Variants in ZC3H12B observed in about 807,000 individuals in gnomAD.
The protein encoded by ZC3H12B is zinc finger CCCH-type containing 12B.
In ZC3H12B, 7 loss-of-function variants were observed where a neutral mutation model predicts 43.9. That is an observed-to-expected ratio of 0.16 (90% CI 0.09 to 0.30). ZC3H12B has a LOEUF of 0.30. Among genes scored for constraint, ZC3H12B ranks in the 10% least tolerant of loss-of-function variants. The probability of loss-of-function intolerance (pLI) is 1.00; values close to 1 mark genes in which losing one functional copy is unlikely to be tolerated. For missense variants in ZC3H12B, 475 were observed against 670.2 expected (o/e 0.71, Z 3.22); for synonymous variants, 222 against 241.7 (o/e 0.92, Z 0.76).
At chrX:65,074,942 G>T in the ZC3H12B span, among the ~76,000 whole-genome samples, 1 of 111,938 alleles carries the variant, frequency 8.9e-6, no homozygotes, top group Admixed American at 9.5e-5. Flanking sequence ...CTCCTTTAGG[G>T]TCAGTTCCTG....
chrX:65,163,873 G>T, the ZC3H12B span, among the ~76,000 whole-genome samples: 1 of 111,952 alleles, frequency 8.9e-6, no homozygotes, highest in East Asian at 2.8e-4. Context: ...CACTCACGCT[G>T]GGAGATGTAG....
the ZC3H12B span, among the ~76,000 whole-genome samples, chrX:65,193,109 G>GTTT: frequency 6.2e-5 from 6 of 97,243 alleles, no homozygotes; most frequent in African/African-American, 2.3e-4. Flanking sequence ...TGGCCTGAAG[G>GTTT]TTTTTTTTTT....
At chrX:65,276,569 C>T in the ZC3H12B span, among the ~76,000 whole-genome samples, 1 of 111,024 alleles carries the variant, frequency 9.0e-6, no homozygotes. Flanking sequence ...GAAAAAAAAA[C>T]TATAAGCCAA....
the ZC3H12B span, among the ~76,000 whole-genome samples, chrX:65,141,567 G>T: frequency 9.2e-6 from 1 of 108,289 alleles, no homozygotes; most frequent in Non-Finnish European, 1.9e-5. Context: ...GTGGTGTTTG[G>T]TTTCATGAGT....
the ZC3H12B span, among the ~76,000 whole-genome samples, chrX:65,201,746 G>A: frequency 7.6e-5 from 8 of 105,318 alleles, no homozygotes; most frequent in South Asian, 2.6e-3. Context: ...CTCTGTCCCC[G>A]CCACAAATCT....
exon 5 of ZC3H12B, chrX:65,502,367 A>G: frequency 8.3e-7 from 1 of 1,211,643 alleles, no homozygotes; most frequent in South Asian, 1.8e-5. Context: ...CAAACTGAAC[A>G]TCAACAGCAT....
chrX:65,440,870 C>T (rs751743882), intron 3 of ZC3H12B, among the ~76,000 whole-genome samples: 123 of 111,966 alleles, frequency 1.1e-3, no homozygotes, highest in Non-Finnish European at 9.0e-4. Context: ...TGTTCAGCAG[C>T]TAATTTCTCT....
the ZC3H12B span, among the ~76,000 whole-genome samples, chrX:65,140,959 G>C: frequency 9.0e-6 from 1 of 111,381 alleles, no homozygotes; most frequent in African/African-American, 3.2e-5. Flanking sequence ...TTGTTTATTT[G>C]TTAGTTTAAC....
chrX:65,387,760 TTTTTGCAGTGGCTGG>T (rs1302517266), intron 2 of ZC3H12B, among the ~76,000 whole-genome samples: 5 of 112,776 alleles, frequency 4.4e-5, no homozygotes, highest in Non-Finnish European at 9.4e-5. Context: ...ATTTGGCATG[TTTTTGCAGTGGCTGG>T]TACTGGTTGT....
chrX:65,507,313 C>CTAGTT (rs2068435500), exon 5 of ZC3H12B: 1 of 112,411 alleles, frequency 8.9e-6, no homozygotes, highest in Non-Finnish European at 1.9e-5. Context: ...CTGCCTTCCC[C>CTAGTT]TAGTTTGCTT....
chrX:65,214,700 T>C, the ZC3H12B span, among the ~76,000 whole-genome samples: 1 of 111,613 alleles, frequency 9.0e-6, no homozygotes, highest in Non-Finnish European at 1.9e-5. Context: ...TCTGTTAATG[T>C]TGTCATTTTT....
intron 3 of ZC3H12B, among the ~76,000 whole-genome samples, chrX:65,445,839 A>G (rs1160702147): frequency 2.7e-5 from 3 of 111,861 alleles, no homozygotes; most frequent in Non-Finnish European, 5.6e-5. Context: ...GCTTTATTTT[A>G]TTGTTGCTAA....
At chrX:65,183,860 G>A in the ZC3H12B span, among the ~76,000 whole-genome samples, 1 of 111,397 alleles carries the variant, frequency 9.0e-6, no homozygotes, top group Non-Finnish European at 1.9e-5. Context: ...TTGGAAATTA[G>A]GAAATAATTT....
chrX:65,122,753 G>A, the ZC3H12B span, among the ~76,000 whole-genome samples: 1 of 111,330 alleles, frequency 9.0e-6, no homozygotes, highest in Admixed American at 9.5e-5. Flanking sequence ...TGATAAAACA[G>A]ACTTTATACC....
the ZC3H12B span, among the ~76,000 whole-genome samples, chrX:65,339,885 G>A: frequency 1.8e-5 from 2 of 111,875 alleles, no homozygotes; most frequent in Non-Finnish European, 3.8e-5. Flanking sequence ...TGCTTTTCTG[G>A]CATGGTGGGG....
At chrX:65,080,636 A>G in the ZC3H12B span, among the ~76,000 whole-genome samples, 3 of 112,036 alleles carry the variant, frequency 2.7e-5, no homozygotes, top group Non-Finnish European at 5.6e-5. Context: ...TGGTGAAAAT[A>G]TCCTTCAAAC....
intron 3 of ZC3H12B, among the ~76,000 whole-genome samples, chrX:65,407,788 C>G (rs1602393756): frequency 8.8e-6 from 1 of 113,468 alleles, no homozygotes; most frequent in Admixed American, 9.2e-5. Context: ...GCACTGCCCC[C>G]GCGCACAGTC....
chrX:65,068,334 G>A, the ZC3H12B span, among the ~76,000 whole-genome samples: 1 of 109,643 alleles, frequency 9.1e-6, no homozygotes, highest in Non-Finnish European at 1.9e-5. Flanking sequence ...TCTTTTCTCT[G>A]GTGATATGAT....
the ZC3H12B span, among the ~76,000 whole-genome samples, chrX:65,051,975 G>A: frequency 9.0e-6 from 1 of 110,647 alleles, no homozygotes; most frequent in Non-Finnish European, 1.9e-5. Flanking sequence ...TCAAAGACCA[G>A]TTTTTTTAAG....
Sources: gnomAD v4.1 joint callset for allele counts (sites outside exome capture counted in the v4.1 genomes callset) on GRCh38, gnomAD v4.1.1 for gene constraint, MANE v1.5 for transcripts, NCBI Gene and HGNC (gene_info 2026-07-23, HGNC 2026-07-21) for gene names.